The following GRID2 variants were observed in gnomAD, a reference collection of about 807,000 sequenced individuals.
GRID2 encodes the protein glutamate ionotropic receptor delta type subunit 2, also known as glutamate receptor ionotropic, delta-2.
Under a neutral mutation model 114.8 loss-of-function variants are expected in GRID2, and 33 were observed. That is an observed-to-expected ratio of 0.29 (90% CI 0.22 to 0.38). GRID2 has a LOEUF of 0.38. Among genes scored for constraint, GRID2 ranks in the 10% least tolerant of loss-of-function variants. The pLI, the probability that GRID2 is intolerant of heterozygous loss-of-function variation, is 1.00. For synonymous variants in GRID2, 505 were observed against 449.9 expected, an observed-to-expected ratio of 1.12 and a Z score of -1.55; for missense variants, 1,184 against 1,257.7, an observed-to-expected ratio of 0.94 and a Z score of 0.89.
At chr4:93,470,384 G>A (rs1218284335) in intron 11 of GRID2, among the ~76,000 whole-genome samples, 2 of 152,074 alleles carry the variant, frequency 1.3e-5, no homozygotes, top group Admixed American at 6.5e-5. Context: ...AACAGTAATT[G>A]CAGAGGTCAA....
At chr4:93,407,419 C>A (rs577463386) in intron 9 of GRID2, among the ~76,000 whole-genome samples, 1 of 152,222 alleles carries the variant, frequency 6.6e-6, no homozygotes, top group African/African-American at 2.4e-5. Context: ...AGGTAATATA[C>A]TTTTTTATAA....
At chr4:93,734,362 A>G (rs1470395553) in intron 14 of GRID2, among the ~76,000 whole-genome samples, 1 of 151,952 alleles carries the variant, frequency 6.6e-6, no homozygotes, top group East Asian at 1.9e-4. Context: ...AGTCATTTTT[A>G]TAAGAGCGTA....
chr4:93,585,190 G>A (rs1737403481), intron 13 of GRID2, among the ~76,000 whole-genome samples: 1 of 152,014 alleles, frequency 6.6e-6, no homozygotes, highest in African/African-American at 2.4e-5. Context: ...TTATTTTCAG[G>A]ATCATACTGG....
chr4:92,814,471 C>G (rs77191877), intron 2 of GRID2, among the ~76,000 whole-genome samples: 2 of 152,058 alleles, frequency 1.3e-5, no homozygotes, highest in African/African-American at 4.8e-5. Flanking sequence ...AGGACATGCC[C>G]GTGGCTCACT....
At chr4:92,697,127 C>A (rs1363049007) in intron 2 of GRID2, among the ~76,000 whole-genome samples, 1 of 152,166 alleles carries the variant, frequency 6.6e-6, no homozygotes, top group African/African-American at 2.4e-5. Flanking sequence ...ATCCTCCTTG[C>A]CAGTTTATTT....
At chr4:93,694,898 G>A (rs1726877900) in intron 14 of GRID2, among the ~76,000 whole-genome samples, 1 of 152,126 alleles carries the variant, frequency 6.6e-6, no homozygotes, top group African/African-American at 2.4e-5. Context: ...GGTGGCCGGG[G>A]CGGTGGCTCA....
chr4:93,549,128 G>T (rs1031031683), intron 13 of GRID2, among the ~76,000 whole-genome samples: 1 of 151,886 alleles, frequency 6.6e-6, no homozygotes, highest in Non-Finnish European at 1.5e-5. Context: ...TTTCTCTCTC[G>T]ATCAAATACA....
rs373604543 is a variant in GRID2 at position 92,670,084 on chromosome 4, A to AC, written c.244+79799dup. 2.8e-3 allele frequency among the ~76,000 whole-genome samples: 424 copies of AC among 152,224 alleles called. 5 individuals are homozygous for AC. The highest frequency in any genetic ancestry group is 9.6e-3 in the African/African-American group (400 of 41,546). ...TCGCTACTGTAAAATAATGTGAATA[A>AC]CATAAAGGACTTTACTAGGCTGTAT... On this transcript the variant is annotated intron_variant, in intron 2 of 15. Transcript: ENST00000282020.
chr4:93,080,358 T>C (rs1202420662), intron 2 of GRID2, among the ~76,000 whole-genome samples: 1 of 152,168 alleles, frequency 6.6e-6, no homozygotes, highest in Non-Finnish European at 1.5e-5. Flanking sequence ...CATTGTTGAG[T>C]ATGACTGAAG....
chr4:93,060,110 T>C (rs974390856), intron 2 of GRID2, among the ~76,000 whole-genome samples: 1 of 152,142 alleles, frequency 6.6e-6, no homozygotes, highest in African/African-American at 2.4e-5. Flanking sequence ...GAGAGTTTGC[T>C]TTGGCATGAA....
At chr4:93,216,171 C>T (rs1744182692) in intron 5 of GRID2, among the ~76,000 whole-genome samples, 1 of 141,382 alleles carries the variant, frequency 7.1e-6, no homozygotes, top group African/African-American at 2.7e-5. Context: ...GAGTTAACAT[C>T]AACAATTCTA....
chr4:93,104,636 C>G (rs1339150241), intron 3 of GRID2, among the ~76,000 whole-genome samples: 1 of 152,142 alleles, frequency 6.6e-6, no homozygotes, highest in Non-Finnish European at 1.5e-5. Flanking sequence ...AGGACATGAA[C>G]TCTTCATTTT....
At chr4:92,597,799 T>G (rs537770627) in intron 2 of GRID2, among the ~76,000 whole-genome samples, 1 of 152,288 alleles carries the variant, frequency 6.6e-6, no homozygotes, top group East Asian at 1.9e-4. Flanking sequence ...GAATATCTGG[T>G]TGATTTGATT....
intron 2 of GRID2, among the ~76,000 whole-genome samples, chr4:92,610,412 A>G (rs1463128964): frequency 6.6e-6 from 1 of 151,704 alleles, no homozygotes; most frequent in Non-Finnish European, 1.5e-5. Flanking sequence ...CCCTAAACAT[A>G]ACGATCATAC....
chr4:92,774,418 G>A (rs1358441356), intron 2 of GRID2, among the ~76,000 whole-genome samples: 1 of 152,040 alleles, frequency 6.6e-6, no homozygotes, highest in African/African-American at 2.4e-5. Flanking sequence ...GATTGGGCAT[G>A]CATTATTTGT....
At chr4:92,356,517 A>G (rs1728331706) in intron 1 of GRID2, among the ~76,000 whole-genome samples, 1 of 151,652 alleles carries the variant, frequency 6.6e-6, no homozygotes, top group Non-Finnish European at 1.5e-5. Context: ...TGCATATTAC[A>G]TATATGCTAC....
At chr4:92,437,751 T>TTACA (rs1258000896) in intron 1 of GRID2, among the ~76,000 whole-genome samples, 1 of 152,218 alleles carries the variant, frequency 6.6e-6, no homozygotes. Context: ...TCTTTCTATA[T>TTACA]TACATCTACA....
intron 2 of GRID2, among the ~76,000 whole-genome samples, chr4:92,812,175 T>C (rs1462804162): frequency 6.6e-6 from 1 of 152,138 alleles, no homozygotes. Flanking sequence ...TGAAGATCTT[T>C]AATATATGAA....
At chr4:92,473,967 TG>T (rs1722169097) in intron 1 of GRID2, among the ~76,000 whole-genome samples, 4 of 7,070 alleles carry the variant, frequency 5.7e-4, no homozygotes, top group Admixed American at 2.3e-3. Flanking sequence ...ATCTTGGTTG[TG>T]TGTGTGTGTG....
Sources: allele counts gnomAD v4.1 joint callset (sites outside exome capture counted in the v4.1 genomes callset), GRCh38; gene constraint gnomAD v4.1.1; transcripts MANE v1.5; gene names NCBI Gene and HGNC (gene_info 2026-07-23, HGNC 2026-07-21).